Variants in ST6GAL2 observed in about 807,000 individuals in gnomAD.
The protein encoded by ST6GAL2 is beta-galactoside alpha-2,6-sialyltransferase 2.
Under a neutral mutation model 37.5 loss-of-function variants are expected in ST6GAL2, and 24 were observed. That is an observed-to-expected ratio of 0.64 (90% CI 0.46 to 0.90). ST6GAL2 has a LOEUF of 0.90. Among genes scored for constraint, ST6GAL2 ranks in the 40% least tolerant of loss-of-function variants. ST6GAL2 has a pLI of 0.00. For missense variants in ST6GAL2, 715 were observed against 712.7 expected (o/e 1.00, Z -0.04); for synonymous variants, 306 against 295.1 (o/e 1.04, Z -0.38).
At position 106,830,125 on chromosome 2, in the gene ST6GAL2, A is replaced by C; in HGVS notation, c.1259T>G (p.Ile420Ser). The C allele has an allele frequency of 6.2e-7, 1 of 1,614,058 alleles. No individual in the cohort carries two copies. Residue 420 changes from isoleucine to serine, a missense_variant, in exon 5 of 6, where the codon ATT becomes AGT. Around this residue, in one of 3 missense-constraint regions of ST6GAL2, gnomAD observed 198 missense variants for 203.6 expected, o/e 0.97. Transcript: ENST00000409382. ...CTTCTCTTTAGTGTTCTCCTGGATAATATCCCAGAGCTGCCATATAAATTT... is the reference window on the plus strand; with the variant it reads ...CTTCTCTTTAGTGTTCTCCTGGATACTATCCCAGAGCTGCCATATAAATTT... ...HPKFIWQLWD[I>S]IQENTKEKIQ... is the part of the protein sequence containing the mutation.
intron 1 of ST6GAL2, among the ~76,000 whole-genome samples, chr2:106,859,098 T>C (rs1416750795): frequency 1.3e-5 from 2 of 152,152 alleles, no homozygotes; most frequent in South Asian, 2.1e-4. Flanking sequence ...CTAGACAATC[T>C]TCCTGATGTC....
At position 106,849,362 on chromosome 2, in the gene ST6GAL2, A is replaced by C. The variant is rs1677266324; in HGVS notation, c.-57-5328T>G. Among the ~76,000 whole-genome samples, 4 of 152,116 alleles carry C rather than the reference A, an allele frequency of 2.6e-5. No homozygotes were observed. The South Asian group carries it at 8.3e-4, about 32-fold the overall frequency. The stretch of plus-strand genomic sequence containing the variant: ...CCCTCTCCCTTTGATATGTGGACAC[A>C]ACTGACCAGGATTAATATTAACATA... On this transcript the variant is annotated intron_variant, in intron 1 of 5. Coordinates refer to ENST00000409382, the MANE Select transcript of ST6GAL2 (RefSeq NM_001142351.2).
chr2:106,829,821 C>T (rs981602812), intron 5 of ST6GAL2, among the ~76,000 whole-genome samples: 9 of 151,876 alleles, frequency 5.9e-5, no homozygotes, highest in Admixed American at 2.0e-4. Context: ...TGTGTGCCTA[C>T]ATGGCACTCA....
chr2:106,817,712 G>T (rs1369751291), intron 5 of ST6GAL2, among the ~76,000 whole-genome samples: 1 of 152,178 alleles, frequency 6.6e-6, no homozygotes, highest in Non-Finnish European at 1.5e-5. Flanking sequence ...AGGGCACTTT[G>T]TCTTGCAGCA....
chr2:106,823,700 A>G (rs546038018), intron 5 of ST6GAL2, among the ~76,000 whole-genome samples: 43 of 152,258 alleles, frequency 2.8e-4, no homozygotes, highest in Admixed American at 7.2e-4. Context: ...AATGCAATAA[A>G]CTGGGTGGCT....
Position 106,832,594 on chromosome 2 carries a change from G to C in ST6GAL2, c.1114C>G (p.Pro372Ala). 3.8e-6 allele frequency: 6 copies of C among 1,599,690 alleles called. No individual in the cohort carries two copies. Among genetic ancestry groups the C allele is most frequent in the Non-Finnish European group, 5.1e-6 (6 of 1,175,174 alleles). The stretch of plus-strand genomic sequence containing the variant: ...TTAAGATTTGCGGAATATGGGGCAG[G>C]GTCCCAGGCCACCAAAATGACGTCT... The part of the protein sequence containing the change: ...YKDVILVAWD[P>A]APYSANLNLW... Residue 372 changes from proline to alanine, a missense_variant, in exon 4 of 6, where the codon CCT becomes GCT. Physicochemically the swap from Pro to Ala is conservative, Grantham distance 27 (BLOSUM62 -1). This residue lies in a region of ST6GAL2 where 5 missense variants were observed against 20.3 expected (regional missense o/e 0.25). Coordinates refer to ENST00000409382, the MANE Select transcript of ST6GAL2 (RefSeq NM_001142351.2).
intron 5 of ST6GAL2, among the ~76,000 whole-genome samples, chr2:106,807,438 A>G (rs1409809012): frequency 3.3e-5 from 5 of 152,252 alleles, no homozygotes; most frequent in African/African-American, 1.2e-4. Context: ...AACTTGTAAC[A>G]TAAAACTGTA....
chr2:106,859,065 T>C (rs929167392), intron 1 of ST6GAL2, among the ~76,000 whole-genome samples: 1 of 152,200 alleles, frequency 6.6e-6, no homozygotes, highest in African/African-American at 2.4e-5. Context: ...ACAACATATG[T>C]GCAAGTGGAT....
rs1008189795 is a variant in ST6GAL2 at position 106,851,666 on chromosome 2, CTTTCTT to C, written c.-57-7638_-57-7633del. ...ATTTTCTTGACTGGAGAGTGTTTTT[CTTTCTT>C]TTTTTTTTTTTTTTCACATTTTGAT... On this transcript the variant is annotated intron_variant, in intron 1 of 5. Coordinates refer to ENST00000409382, the MANE Select transcript of ST6GAL2 (RefSeq NM_001142351.2). Among the ~76,000 whole-genome samples the C allele has an allele frequency of 8.9e-5, 9 of 101,326 alleles. 1 individual carries two copies. Among genetic ancestry groups the C allele is most frequent in the East Asian group, 7.9e-4 (2 of 2,534 alleles). The allele number at this position is 101,326 out of a possible 152,430, so 66.5% of individuals were successfully genotyped here. A position where few individuals can be genotyped will look rare whatever the true frequency, so the allele number is the denominator to read the frequency against.
intron 5 of ST6GAL2, among the ~76,000 whole-genome samples, chr2:106,818,202 G>C (rs1675876938): frequency 6.6e-6 from 1 of 152,180 alleles, no homozygotes; most frequent in Admixed American, 6.5e-5. Context: ...TGATTGTAGA[G>C]CCCTAGGACA....
chr2:106,877,028 T>C lies in ST6GAL2; in HGVS notation c.-58+9065A>G, dbSNP rs1678533713. Among the ~76,000 whole-genome samples, 5 of 152,144 alleles carry C rather than the reference T, an allele frequency of 3.3e-5. No individual in the cohort carries two copies. In the South Asian group the frequency reaches 1.0e-3, roughly 32 times the overall value. ...GGTGGGGGAAAGTAAAGATGACATG[T>C]TTCTTTGTACCATTTTCTCCTCCCA... On this transcript the variant is annotated intron_variant, in intron 1 of 5. Transcript: ENST00000409382.
At chr2:106,873,266 A>G (rs1304375896) in intron 1 of ST6GAL2, among the ~76,000 whole-genome samples, 2 of 152,142 alleles carry the variant, frequency 1.3e-5, no homozygotes, top group Non-Finnish European at 1.5e-5. Context: ...TTTAAGCTAA[A>G]GGTGTGTGTT....
Position 106,843,399 on chromosome 2 carries a change from G to A in ST6GAL2, c.579C>T (p.Asp193=), listed in dbSNP as rs770332400. 1 of 1,614,124 alleles carries A rather than the reference G, an allele frequency of 6.2e-7. No individual in the cohort carries two copies. The highest frequency in any genetic ancestry group is 8.5e-7 in the Non-Finnish European group (1 of 1,180,028). The change falls in exon 2 of 6, where the codon GAC becomes GAT. Residue 193 remains aspartate, a synonymous_variant. Transcript: ENST00000409382. ...CCCTGGACATGGAGGAGTACAGCCT[G>A]TCGCCGTCGTCGCCCTCCTCCAACA... ...SHVLEEGDDG[D]RLYSSMSRAF...
intron 1 of ST6GAL2, among the ~76,000 whole-genome samples, chr2:106,871,917 C>T (rs1678285714): frequency 6.6e-6 from 1 of 152,218 alleles, no homozygotes; most frequent in African/African-American, 2.4e-5. Flanking sequence ...ATACACAAAC[C>T]AGTAACACAT....
rs371475775 is a variant in ST6GAL2 at position 106,815,695 on chromosome 2, C to T, written c.1319-8746G>A. Among the ~76,000 whole-genome samples, 22 of 152,304 alleles carry T rather than the reference C, an allele frequency of 1.4e-4. No homozygotes were observed. The South Asian group carries it at 3.7e-3, about 26-fold the overall frequency. On this transcript the variant is annotated intron_variant, in intron 5 of 5. Coordinates refer to ENST00000409382, the MANE Select transcript of ST6GAL2 (RefSeq NM_001142351.2). ...AGGTACTATCAGTATCTTCATTTTACAGATGAAGGAACTGGGGTTTGGAGA... is the reference window on the plus strand; with the variant it reads ...AGGTACTATCAGTATCTTCATTTTATAGATGAAGGAACTGGGGTTTGGAGA...
intron 2 of ST6GAL2, among the ~76,000 whole-genome samples, chr2:106,842,442 G>A (rs971089547): frequency 1.3e-5 from 2 of 152,216 alleles, no homozygotes; most frequent in Admixed American, 6.5e-5. Flanking sequence ...CAACAGTTGG[G>A]AGGCCGGAAC....
chr2:106,884,724 A>G (rs1242878250), intron 1 of ST6GAL2, among the ~76,000 whole-genome samples: 1 of 152,002 alleles, frequency 6.6e-6, no homozygotes, highest in African/African-American at 2.4e-5. Context: ...TGAGCACAAT[A>G]TCCATTCACC....
intron 1 of ST6GAL2, among the ~76,000 whole-genome samples, chr2:106,882,963 C>A (rs949850585): frequency 4.6e-5 from 7 of 152,156 alleles, no homozygotes; most frequent in Non-Finnish European, 7.3e-5. Flanking sequence ...ACCAGTAGGC[C>A]CTGGGTACTG....
intron 5 of ST6GAL2, 134 bp from the exon 6 acceptor site, chr2:106,807,083 G>T: frequency 1.4e-6 from 1 of 719,950 alleles, no homozygotes; most frequent in Non-Finnish European, 2.3e-6. Context: ...TGTTGCATTT[G>T]CAATGTTATA....
Sources: allele counts gnomAD v4.1 joint callset (sites outside exome capture counted in the v4.1 genomes callset), GRCh38; gene constraint gnomAD v4.1.1; regional missense constraint gnomAD v4.1.1; transcripts MANE v1.5; gene names NCBI Gene and HGNC (gene_info 2026-07-23, HGNC 2026-07-21).